Variants in PLCB1 observed in about 807,000 individuals in gnomAD.
The protein encoded by PLCB1 is 1-phosphatidylinositol 4,5-bisphosphate phosphodiesterase beta-1.
PLCB1 carries 46 observed loss-of-function variants against 161.8 expected under a neutral mutation model. The observed-to-expected ratio is 0.28, with a 90% CI of 0.22 to 0.36. PLCB1 has a LOEUF of 0.36. PLCB1 is among the 10% of genes least tolerant of loss of function. The pLI is 1.00. For synonymous variants in PLCB1, 517 were observed against 503.7 expected (o/e 1.03, Z -0.35); for missense variants, 1,016 against 1,472.5 (o/e 0.69, Z 5.07).
chr20:8,701,415 C>G (rs1978349735), intron 11 of PLCB1, among the ~76,000 whole-genome samples: 1 of 152,112 alleles, frequency 6.6e-6, no homozygotes, highest in African/African-American at 2.4e-5. Flanking sequence ...CTCCTTGAAG[C>G]CTTCCTCAAA....
At chr20:8,253,857 C>T (rs1041036831) in intron 2 of PLCB1, among the ~76,000 whole-genome samples, 2 of 151,832 alleles carry the variant, frequency 1.3e-5, no homozygotes, top group African/African-American at 2.4e-5. Flanking sequence ...CACTTATAAG[C>T]GAGAACATGC....
chr20:8,663,690 T>C (rs1989741722), intron 9 of PLCB1, among the ~76,000 whole-genome samples: 1 of 152,156 alleles, frequency 6.6e-6, no homozygotes, highest in African/African-American at 2.4e-5. Context: ...TCACAGAGGA[T>C]ACTATTCTCC....
At chr20:8,495,569 T>TC (rs1983133240) in intron 3 of PLCB1, among the ~76,000 whole-genome samples, 1 of 150,954 alleles carries the variant, frequency 6.6e-6, no homozygotes, top group Non-Finnish European at 1.5e-5. Context: ...GGCTAATTTT[T>TC]TGTATTTTTA....
chr20:8,288,690 G>A (rs1250431877), intron 2 of PLCB1, among the ~76,000 whole-genome samples: 2 of 152,106 alleles, frequency 1.3e-5, no homozygotes, highest in Non-Finnish European at 2.9e-5. Flanking sequence ...CCAGCTGTTA[G>A]CAGCTGACAC....
At chr20:8,817,587 G>T (rs1366363595) in intron 31 of PLCB1, among the ~76,000 whole-genome samples, 1 of 152,206 alleles carries the variant, frequency 6.6e-6, no homozygotes, top group African/African-American at 2.4e-5. Flanking sequence ...ATTTAAATCT[G>T]TCTCATCCTG....
chr20:8,282,116 C>T (rs1982903206), intron 2 of PLCB1, among the ~76,000 whole-genome samples: 1 of 151,996 alleles, frequency 6.6e-6, no homozygotes, highest in African/African-American at 2.4e-5. Flanking sequence ...TTAGTATTAC[C>T]ATGTACTATA....
intron 25 of PLCB1, among the ~76,000 whole-genome samples, chr20:8,762,518 A>T (rs2123578388): frequency 6.6e-6 from 1 of 152,346 alleles, no homozygotes; most frequent in Admixed American, 6.5e-5. Flanking sequence ...TAGAACATCT[A>T]GAGCCTTATT....
At chr20:8,603,941 G>A (rs1197025154) in intron 3 of PLCB1, among the ~76,000 whole-genome samples, 1 of 152,098 alleles carries the variant, frequency 6.6e-6, no homozygotes. Flanking sequence ...AAATGCCACT[G>A]GATTCTTCAC....
At chr20:8,280,628 G>A (rs1600284284) in intron 2 of PLCB1, among the ~76,000 whole-genome samples, 2 of 152,242 alleles carry the variant, frequency 1.3e-5, no homozygotes, top group East Asian at 3.9e-4. Context: ...AAAAACAAGT[G>A]TCTTAAATAT....
chr20:8,355,523 T>C (rs1436900104), intron 2 of PLCB1, among the ~76,000 whole-genome samples: 1 of 152,188 alleles, frequency 6.6e-6, no homozygotes, highest in East Asian at 1.9e-4. Context: ...GTCTCTTCCA[T>C]TAACCTTCCA....
At chr20:8,332,760 T>C (rs906990052) in intron 2 of PLCB1, among the ~76,000 whole-genome samples, 2 of 152,186 alleles carry the variant, frequency 1.3e-5, no homozygotes, top group Non-Finnish European at 2.9e-5. Context: ...TCTCAACTCA[T>C]AGCCAGAGTT....
At chr20:8,555,601 C>T (rs576973027) in intron 3 of PLCB1, among the ~76,000 whole-genome samples, 3 of 152,196 alleles carry the variant, frequency 2.0e-5, no homozygotes, top group South Asian at 4.1e-4. Context: ...CTATAAATAT[C>T]TACCTCTCTT....
At chr20:8,540,348 T>A (rs1403197348) in intron 3 of PLCB1, among the ~76,000 whole-genome samples, 1 of 152,192 alleles carries the variant, frequency 6.6e-6, no homozygotes, top group Non-Finnish European at 1.5e-5. Context: ...TATCAGAACA[T>A]CTTTCCTCTC....
intron 2 of PLCB1, among the ~76,000 whole-genome samples, chr20:8,160,041 A>T (rs182397626): frequency 6.6e-6 from 1 of 151,946 alleles, no homozygotes; most frequent in Non-Finnish European, 1.5e-5. Flanking sequence ...CAGATACCCT[A>T]AATCATCTCT....
intron 26 of PLCB1, among the ~76,000 whole-genome samples, chr20:8,767,033 A>G (rs1456708267): frequency 1.3e-5 from 2 of 152,166 alleles, no homozygotes; most frequent in Non-Finnish European, 2.9e-5. Context: ...CCTGGAAGAG[A>G]GAAGCCTGCT....
chr20:8,413,370 A>G (rs1979126245), intron 3 of PLCB1, among the ~76,000 whole-genome samples: 1 of 152,202 alleles, frequency 6.6e-6, no homozygotes, highest in Admixed American at 6.5e-5. Context: ...TTCCAGCTTT[A>G]TTTAAATTGT....
intron 3 of PLCB1, among the ~76,000 whole-genome samples, chr20:8,521,901 T>A (rs2122884249): frequency 6.6e-6 from 1 of 152,320 alleles, no homozygotes; most frequent in African/African-American, 2.4e-5. Flanking sequence ...CAAACAAAGT[T>A]CGGGAGTGCA....
chr20:8,425,550 A>T (rs1305126971), intron 3 of PLCB1, among the ~76,000 whole-genome samples: 3 of 152,072 alleles, frequency 2.0e-5, no homozygotes, highest in East Asian at 3.9e-4. Flanking sequence ...GTTGCTATAG[A>T]CCACACTCTG....
intron 2 of PLCB1, among the ~76,000 whole-genome samples, chr20:8,273,150 C>A (rs796632785): frequency 1.3e-4 from 20 of 152,184 alleles, no homozygotes; most frequent in African/African-American, 4.8e-4. Context: ...CAAATTCTAC[C>A]CTTTGGAGAT....
Sources: gnomAD v4.1 joint callset for allele counts (sites outside exome capture counted in the v4.1 genomes callset) on GRCh38, gnomAD v4.1.1 for gene constraint, MANE v1.5 for transcripts, NCBI Gene and HGNC (gene_info 2026-07-23, HGNC 2026-07-21) for gene names.